Variants in GLRA3 observed in about 807,000 individuals in gnomAD.
GLRA3 encodes the protein glycine receptor subunit alpha-3.
In GLRA3, 44 loss-of-function variants were observed where a neutral mutation model predicts 60.4. The ratio of observed to expected loss-of-function variants is 0.73; its 90% CI spans 0.57 to 0.94. The LOEUF (loss-of-function observed/expected upper bound fraction) is 0.94. Among genes scored for constraint, GLRA3 ranks in the 40% least tolerant of loss-of-function variants. The pLI is 0.00. For missense variants in GLRA3, 508 were observed against 564.6 expected, an observed-to-expected ratio of 0.90 and a Z score of 1.02; for synonymous variants, 223 against 192.9, an observed-to-expected ratio of 1.16 and a Z score of -1.29.
At chr4:174,737,300 A>C (rs1450881191) in intron 3 of GLRA3, among the ~76,000 whole-genome samples, 13 of 152,212 alleles carry the variant, frequency 8.5e-5, no homozygotes. Flanking sequence ...AAAGGTTCAC[A>C]CTTCCCTTCA....
chr4:174,744,703 A>T (rs1413076483), intron 3 of GLRA3, among the ~76,000 whole-genome samples: 1 of 152,226 alleles, frequency 6.6e-6, no homozygotes, highest in African/African-American at 2.4e-5. Flanking sequence ...CTATTACACC[A>T]GTTACATATA....
intron 3 of GLRA3, among the ~76,000 whole-genome samples, chr4:174,766,619 A>G (rs1174565494): frequency 6.6e-6 from 1 of 152,120 alleles, no homozygotes; most frequent in Non-Finnish European, 1.5e-5. Flanking sequence ...AGTGGGGTAC[A>G]GAGTAAACAT....
intron 3 of GLRA3, among the ~76,000 whole-genome samples, chr4:174,756,296 A>G (rs1196804365): frequency 6.6e-6 from 1 of 152,242 alleles, no homozygotes; most frequent in Non-Finnish European, 1.5e-5. Flanking sequence ...CACTCTTGAC[A>G]TTGTAAGAAA....
At chr4:174,685,924 A>G (rs578044514) in intron 5 of GLRA3, among the ~76,000 whole-genome samples, 79 of 152,350 alleles carry the variant, frequency 5.2e-4, no homozygotes, top group African/African-American at 1.9e-3. Context: ...TTTATATTCT[A>G]AATTTTTCTC....
rs553842397 is a variant in GLRA3 at position 174,643,221 on chromosome 4, TAA to T, written c.*563_*564del. 4.1e-4 allele frequency: 296 copies of T among 720,870 alleles called. 3 individuals are homozygous for T. The African/African-American group carries it at 5.2e-3, about 13-fold the overall frequency. 44.7% of individuals were successfully genotyped at this position (720,870 alleles called of 1,614,324 possible). On this transcript the variant is annotated 3_prime_UTR_variant, in exon 10 of 10. Coordinates refer to ENST00000274093, the MANE Select transcript of GLRA3 (RefSeq NM_006529.4). ...AATTAAATTTAGTATTCCAAATCAT[TAA>T]AGTCTTTTAATGCTCTTATTTAAAA... is the stretch of plus-strand genomic sequence containing the variant.
At chr4:174,694,325 C>G (rs1174103676) in intron 5 of GLRA3, among the ~76,000 whole-genome samples, 1 of 152,068 alleles carries the variant, frequency 6.6e-6, no homozygotes, top group East Asian at 1.9e-4. Context: ...TAAAATTGAC[C>G]ATGTAAGTGG....
In GLRA3 at chr4:174,728,627, G is replaced by T. The variant is rs758779867; in HGVS notation, c.339C>A (p.Asp113Glu). The T allele has an allele frequency of 6.2e-7, 1 of 1,611,970 alleles. No individual in the cohort carries two copies. The highest frequency in any genetic ancestry group is 1.1e-5 in the South Asian group (1 of 91,040). Residue 113 changes from aspartate (D) to glutamate (E), a missense_variant, in exon 4 of 10, where the codon GAC (aspartate) becomes GAA (glutamate). Coordinates refer to ENST00000274093, the MANE Select transcript of GLRA3 (RefSeq NM_006529.4). ...DPRLAYSEYPDDSLDLDPSML... is the reference protein window; with the variant it reads ...DPRLAYSEYPEDSLDLDPSML... Reference sequence around the variant, plus strand: ...TGGAGGGGTCGAGGTCTAAAGAGTCGTCAGGATATTCACTGTACGCGAGGC... The same window carrying T: ...TGGAGGGGTCGAGGTCTAAAGAGTCTTCAGGATATTCACTGTACGCGAGGC...
intron 1 of GLRA3, among the ~76,000 whole-genome samples, chr4:174,796,569 G>A (rs1458580136): frequency 2.7e-5 from 4 of 150,306 alleles, no homozygotes; most frequent in East Asian, 3.9e-4. Context: ...ACGGAGTCTC[G>A]CTCTGTCACC....
At chr4:174,666,116 C>T (rs1428238589) in intron 7 of GLRA3, among the ~76,000 whole-genome samples, 1 of 152,102 alleles carries the variant, frequency 6.6e-6, no homozygotes, top group Non-Finnish European at 1.5e-5. Context: ...TATTAGGCTG[C>T]TTCCATTTAA....
chr4:174,728,649 A>C lies in GLRA3; in HGVS notation c.317T>G (p.Leu106Arg). 1 of 1,611,508 alleles carries C rather than the reference A, an allele frequency of 6.2e-7. No individual in the cohort carries two copies. Among genetic ancestry groups the C allele is most frequent in the Non-Finnish European group, 8.5e-7 (1 of 1,177,726 alleles). The change falls in exon 4 of 10, where the codon CTC (leucine) becomes CGC (arginine). Residue 106 changes from leucine (L) to arginine (R), a missense_variant. By Grantham distance (102) the Leu-to-Arg change is moderately radical. Coordinates refer to ENST00000274093, the MANE Select transcript of GLRA3 (RefSeq NM_006529.4). ...FLRQKWNDPRLAYSEYPDDSL... is the reference protein window; with the variant it reads ...FLRQKWNDPRRAYSEYPDDSL... ...GTCGTCAGGATATTCACTGTACGCG[A>C]GGCGGGGATCATTCCATTTCTGACG...
chr4:174,648,867 A>G (rs1365284194), intron 9 of GLRA3, among the ~76,000 whole-genome samples: 1 of 152,118 alleles, frequency 6.6e-6, no homozygotes, highest in Non-Finnish European at 1.5e-5. Context: ...GCAAAAATTG[A>G]CAGGATTTCT....
chr4:174,822,526 C>A (rs1484267062), intron 1 of GLRA3, among the ~76,000 whole-genome samples: 2 of 152,202 alleles, frequency 1.3e-5, no homozygotes, highest in African/African-American at 2.4e-5. Context: ...GTAAACAAGT[C>A]CTTATCACTA....
rs752033589 is a variant in GLRA3, at chr4:174,766,941, TG to T, written c.267+21del. ...TTACAGATTACTCTAGTGTGAAACT[TG>T]TTGCAAAGTAAAATGCCTACCATGG... On this transcript the variant is annotated intron_variant, in intron 3 of 9. Coordinates refer to ENST00000274093, the MANE Select transcript of GLRA3 (RefSeq NM_006529.4). The T allele has an allele frequency of 9.5e-6, 13 of 1,370,664 alleles. No homozygotes were observed. In the Admixed American group the frequency reaches 1.7e-4, roughly 18 times the overall value. 84.9% of individuals were successfully genotyped at this position (1,370,664 alleles called of 1,614,324 possible).
Position 174,642,006 on chromosome 4 carries a change from G to T in GLRA3, c.*1780C>A. On this transcript the variant is annotated 3_prime_UTR_variant, in exon 10 of 10. Transcript: ENST00000274093. ...TTTTCAGGTGCACAGTCCTCAACGTGGGTACTTACAGAGTAACAAATTCTT... is the reference window on the plus strand; with the variant it reads ...TTTTCAGGTGCACAGTCCTCAACGTTGGTACTTACAGAGTAACAAATTCTT... The T allele has an allele frequency of 4.3e-6, 1 of 235,216 alleles. No homozygotes were observed. The highest frequency in any genetic ancestry group is 6.9e-6 in the Non-Finnish European group (1 of 144,366). 14.6% of individuals were successfully genotyped at this position (235,216 alleles called of 1,614,324 possible).
rs147828654 is a variant in GLRA3, at chr4:174,668,538, G to T, written c.927+8540C>A. Among the ~76,000 whole-genome samples the T allele has an allele frequency of 3.5e-3, 532 of 152,234 alleles. 6 individuals carry two copies. Among genetic ancestry groups the T allele is most frequent in the Middle Eastern group, 0.014 (4 of 294 alleles). On this transcript the variant is annotated intron_variant, in intron 7 of 9. Coordinates refer to ENST00000274093, the MANE Select transcript of GLRA3 (RefSeq NM_006529.4). ...CTGTGACCAATAAATTCCTGTTACA[G>T]CTTATAGACAACAATATATTAATGG...
At chr4:174,800,031 T>C (rs959565591) in intron 1 of GLRA3, among the ~76,000 whole-genome samples, 35 of 152,062 alleles carry the variant, frequency 2.3e-4, no homozygotes, top group African/African-American at 8.4e-4. Flanking sequence ...TTATAATTAA[T>C]AACTAAATGG....
In GLRA3 at chr4:174,829,095, T is replaced by C; in HGVS notation, c.-284A>G. On this transcript the variant is annotated 5_prime_UTR_variant, in exon 1 of 10. Coordinates refer to ENST00000274093, the MANE Select transcript of GLRA3 (RefSeq NM_006529.4). The stretch of plus-strand genomic sequence containing the variant: ...GAAGTGCCTAGGTGCTGGGCAACAG[T>C]TCTCTAAAGCTCCAGCAGCAAAGGA... 3.3e-6 allele frequency: 1 copy of C among 305,378 alleles called. No homozygotes were observed. The highest frequency in any genetic ancestry group is 6.2e-6 in the Non-Finnish European group (1 of 161,550). 18.9% of individuals were successfully genotyped at this position (305,378 alleles called of 1,614,324 possible).
chr4:174,816,849 G>C (rs1480275735), intron 1 of GLRA3, among the ~76,000 whole-genome samples: 3 of 151,624 alleles, frequency 2.0e-5, no homozygotes, highest in Admixed American at 6.6e-5. Context: ...TTTAATTCTT[G>C]TGGGTACATA....
chr4:174,743,825 G>A (rs995179619), intron 3 of GLRA3, among the ~76,000 whole-genome samples: 2 of 151,996 alleles, frequency 1.3e-5, no homozygotes, highest in Non-Finnish European at 2.9e-5. Flanking sequence ...TACAATAGGT[G>A]TTCAAATTGA....
Sources: gnomAD v4.1 joint callset for allele counts (sites outside exome capture counted in the v4.1 genomes callset) on GRCh38, gnomAD v4.1.1 for gene constraint, MANE v1.5 for transcripts, NCBI Gene and HGNC (gene_info 2026-07-23, HGNC 2026-07-21) for gene names.